Variants in RGS7 observed in about 807,000 individuals in gnomAD.
The protein encoded by RGS7 is regulator of G-protein signaling 7.
RGS7 carries 27 observed loss-of-function variants against 81.1 expected under a neutral mutation model. That is an observed-to-expected ratio of 0.33 (90% CI 0.25 to 0.46). The LOEUF is 0.46. Ranked by LOEUF, RGS7 falls within the 20% of genes least tolerant of loss-of-function variation. RGS7 has a pLI of 1.00. For synonymous variants in RGS7, 208 were observed against 207.7 expected, an observed-to-expected ratio of 1.00 and a Z score of -0.01; for missense variants, 396 against 607.4, an observed-to-expected ratio of 0.65 and a Z score of 3.66.
At chr1:241,211,556 C>T (rs1164935555) in intron 2 of RGS7, among the ~76,000 whole-genome samples, 2 of 152,146 alleles carry the variant, frequency 1.3e-5, no homozygotes, top group African/African-American at 2.4e-5. Flanking sequence ...AAAGACCTAG[C>T]ATACAGTTGG....
Position 240,973,048 on chromosome 1 carries a change from T to TAA in RGS7, c.226+10029_226+10030dup, listed in dbSNP as rs572191626. Among the ~76,000 whole-genome samples the TAA allele has an allele frequency of 6.8e-3, 926 of 136,470 alleles. 11 individuals are homozygous for TAA. The highest frequency in any genetic ancestry group is 0.024 in the African/African-American group (884 of 37,258). The allele number at this position is 136,470 out of a possible 152,430, so 89.5% of individuals were successfully genotyped here. On this transcript the variant is annotated intron_variant, in intron 4 of 18. Coordinates refer to ENST00000440928, the MANE Select transcript of RGS7 (RefSeq NM_001364886.1). ...TGGACAACAGGAGAAAGACTCCAAT[T>TAA]AAAAAAAAAAAAAGGAGCAGGCACA...
chr1:241,295,309 C>T (rs1394416571), intron 2 of RGS7, among the ~76,000 whole-genome samples: 1 of 151,522 alleles, frequency 6.6e-6, no homozygotes, highest in African/African-American at 2.4e-5. Flanking sequence ...AAAAATTAGC[C>T]AGGCATGGTG....
chr1:240,782,192 G>A (rs1684237002), intron 18 of RGS7, among the ~76,000 whole-genome samples: 1 of 152,162 alleles, frequency 6.6e-6, no homozygotes, highest in South Asian at 2.1e-4. Flanking sequence ...AGTGCACAAA[G>A]AAATGATTGT....
intron 6 of RGS7, chr1:240,920,052 G>C: frequency 9.5e-7 from 1 of 1,053,818 alleles, no homozygotes; most frequent in South Asian, 1.2e-5. Context: ...TGAAGGGATT[G>C]AAATCATGAC....
chr1:240,979,150 T>C (rs1170971016), intron 4 of RGS7, among the ~76,000 whole-genome samples: 1 of 152,192 alleles, frequency 6.6e-6, no homozygotes, highest in Non-Finnish European at 1.5e-5. Context: ...AATTAAAGGC[T>C]TTGAACAACT....
chr1:240,807,927 C>A (rs969903613), intron 14 of RGS7, among the ~76,000 whole-genome samples: 1 of 149,938 alleles, frequency 6.7e-6, no homozygotes, highest in Non-Finnish European at 1.5e-5. Context: ...CCCAGCTACT[C>A]GGGAGGCTGA....
At position 240,912,975 on chromosome 1, in the gene RGS7, G is replaced by A. The variant is rs1672013140; in HGVS notation, c.385+17742C>T. Among the ~76,000 whole-genome samples, 3 of 152,232 alleles carry A rather than the reference G, an allele frequency of 2.0e-5. No homozygotes were observed. In the South Asian group the frequency reaches 6.2e-4, roughly 32 times the overall value. On this transcript the variant is annotated intron_variant, in intron 6 of 18. Coordinates refer to ENST00000440928, the MANE Select transcript of RGS7 (RefSeq NM_001364886.1). ...CTTACAGGGAGGAAGGAGCCAAACT[G>A]GAAAACCAGTAGCACAGGTCGGTAG...
At chr1:241,267,636 C>G (rs572406631) in intron 2 of RGS7, among the ~76,000 whole-genome samples, 1 of 152,136 alleles carries the variant, frequency 6.6e-6, no homozygotes, top group East Asian at 1.9e-4. Flanking sequence ...CTAGAGCCCC[C>G]CATTTTCACA....
chr1:241,098,830 TA>T, intron 2 of RGS7, 68 bp from the exon 3 acceptor site: 1 of 1,170,852 alleles, frequency 8.5e-7, no homozygotes, highest in Non-Finnish European at 1.2e-6. Flanking sequence ...TCAGCTCTCA[TA>T]ACAATTTTGT....
At chr1:241,074,083 T>A (rs2062654691) in intron 3 of RGS7, among the ~76,000 whole-genome samples, 1 of 152,118 alleles carries the variant, frequency 6.6e-6, no homozygotes, top group East Asian at 1.9e-4. Flanking sequence ...GTATTTTTAG[T>A]AGAGATGGGG....
At chr1:240,870,269 CATT>C (rs1664248946) in intron 6 of RGS7, 150 bp from the exon 7 acceptor site, 1 of 709,190 alleles carries the variant, frequency 1.4e-6, no homozygotes, top group South Asian at 1.5e-5. Flanking sequence ...TATGTAATAA[CATT>C]ATTACTGAAA....
At position 240,960,217 on chromosome 1, in the gene RGS7, C is replaced by CTTCTTCT. The variant is rs60911948; in HGVS notation, c.226+22861_226+22862insAGAAGAA. Among the ~76,000 whole-genome samples, 16 of 8,962 alleles carry CTTCTTCT rather than the reference C, an allele frequency of 1.8e-3. 1 individual carries two copies. Among genetic ancestry groups the CTTCTTCT allele is most frequent in the East Asian group, 0.013 (2 of 158 alleles). 5.9% of individuals were successfully genotyped at this position (8,962 alleles called of 152,430 possible). A position where few individuals can be genotyped will look rare whatever the true frequency, so the allele number is the denominator to read the frequency against. On this transcript the variant is annotated intron_variant, in intron 4 of 18. Transcript: ENST00000440928. ...TTTTCTTCTTCTTCCTCTTCTTCTT[C>CTTCTTCT]TTTTTTTTTTTTTTTTTGTTGTTGT...
chr1:241,098,372 T>C (rs774627963), intron 3 of RGS7, among the ~76,000 whole-genome samples: 2 of 152,358 alleles, frequency 1.3e-5, no homozygotes, highest in Middle Eastern at 3.4e-3. Flanking sequence ...AATTTCCATA[T>C]ACAACCTTCA....
At chr1:241,356,298 A>G (rs1047860156) in intron 1 of RGS7, among the ~76,000 whole-genome samples, 1 of 152,060 alleles carries the variant, frequency 6.6e-6, no homozygotes, top group African/African-American at 2.4e-5. Flanking sequence ...AGCCCATCAG[A>G]GAGGCCCATT....
chr1:241,049,934 T>C (rs2061159501), intron 3 of RGS7, among the ~76,000 whole-genome samples: 1 of 152,124 alleles, frequency 6.6e-6, no homozygotes, highest in Non-Finnish European at 1.5e-5. Flanking sequence ...GACAAGACAA[T>C]AAAACATAGA....
chr1:241,071,874 CAAAAAAA>C (rs58217460), intron 3 of RGS7, among the ~76,000 whole-genome samples: 9 of 56,856 alleles, frequency 1.6e-4, no homozygotes, highest in Non-Finnish European at 2.6e-4. Context: ...GAGACCCTGT[CAAAAAAA>C]AAAAAAAAAA....
chr1:241,123,493 G>A (rs1239962722), intron 2 of RGS7, among the ~76,000 whole-genome samples: 2 of 152,214 alleles, frequency 1.3e-5, no homozygotes, highest in African/African-American at 2.4e-5. Context: ...GCTCACGCCT[G>A]TAATCCCAGC....
At chr1:240,785,442 G>T (rs1359740868) in intron 18 of RGS7, among the ~76,000 whole-genome samples, 2 of 152,160 alleles carry the variant, frequency 1.3e-5, no homozygotes, top group East Asian at 3.9e-4. Flanking sequence ...ACTTTTATAT[G>T]CCTTCTTACG....
intron 2 of RGS7, among the ~76,000 whole-genome samples, chr1:241,274,628 C>T (rs1011932462): frequency 2.6e-5 from 4 of 152,136 alleles, no homozygotes; most frequent in African/African-American, 9.7e-5. Context: ...GTGGAAAACA[C>T]ACAAATTAAG....
Sources: gnomAD v4.1 joint callset for allele counts (sites outside exome capture counted in the v4.1 genomes callset) on GRCh38, gnomAD v4.1.1 for gene constraint, MANE v1.5 for transcripts, NCBI Gene and HGNC (gene_info 2026-07-23, HGNC 2026-07-21) for gene names.